Variants in HS6ST3 observed in about 807,000 individuals in gnomAD.
HS6ST3 encodes the protein heparan sulfate 6-O-sulfotransferase 3, also known as heparan-sulfate 6-O-sulfotransferase 3.
Under a neutral mutation model 36.7 loss-of-function variants are expected in HS6ST3, and 12 were observed. The observed-to-expected ratio is 0.33, with a 90% CI of 0.21 to 0.53. HS6ST3 has a LOEUF of 0.53. HS6ST3 is among the 20% of genes least tolerant of loss of function. The pLI, the probability that HS6ST3 is intolerant of heterozygous loss-of-function variation, is 0.95. For missense variants in HS6ST3, 584 were observed against 640.9 expected (o/e 0.91, Z 0.96); for synonymous variants, 240 against 257.5 (o/e 0.93, Z 0.65).
At chr13:96,328,977 T>G (rs2055048808) in intron 1 of HS6ST3, among the ~76,000 whole-genome samples, 1 of 151,622 alleles carries the variant, frequency 6.6e-6, no homozygotes, top group South Asian at 2.1e-4. Context: ...GTAGAGGTGT[T>G]TGTAGTATTC....
intron 1 of HS6ST3, among the ~76,000 whole-genome samples, chr13:96,564,824 A>G (rs946740547): frequency 1.3e-5 from 2 of 152,210 alleles, no homozygotes; most frequent in African/African-American, 4.8e-5. Context: ...AGTAATTTAA[A>G]ACACTCGTAG....
chr13:96,131,823 T>C (rs2139311974), intron 1 of HS6ST3, among the ~76,000 whole-genome samples: 1 of 151,970 alleles, frequency 6.6e-6, no homozygotes, highest in South Asian at 2.1e-4. Context: ...GGAGACCATC[T>C]AATTATTTTT....
intron 1 of HS6ST3, among the ~76,000 whole-genome samples, chr13:96,774,924 G>A (rs944621414): frequency 9.2e-5 from 14 of 152,128 alleles, no homozygotes; most frequent in African/African-American, 3.4e-4. Flanking sequence ...GTTAAGGGCA[G>A]CCAGAGAGAA....
chr13:96,352,512 G>C (rs1417732527), intron 1 of HS6ST3, among the ~76,000 whole-genome samples: 1 of 152,192 alleles, frequency 6.6e-6, no homozygotes, highest in Non-Finnish European at 1.5e-5. Flanking sequence ...ACGGCGCAGT[G>C]GAAGCAGAAG....
At chr13:96,126,970 T>A (rs1594686182) in intron 1 of HS6ST3, among the ~76,000 whole-genome samples, 1 of 152,198 alleles carries the variant, frequency 6.6e-6, no homozygotes, top group South Asian at 2.1e-4. Context: ...CCTATAAAGG[T>A]GATCCCTACT....
intron 1 of HS6ST3, among the ~76,000 whole-genome samples, chr13:96,823,623 T>C (rs1032553772): frequency 6.6e-6 from 1 of 152,134 alleles, no homozygotes; most frequent in Non-Finnish European, 1.5e-5. Flanking sequence ...TTTATTTTCT[T>C]CTTTTTTTTT....
intron 1 of HS6ST3, among the ~76,000 whole-genome samples, chr13:96,755,492 G>A (rs1158718826): frequency 1.3e-5 from 2 of 152,048 alleles, no homozygotes; most frequent in Non-Finnish European, 2.9e-5. Flanking sequence ...AGCTTCCCGA[G>A]CAGCTGAGAT....
At chr13:96,659,201 A>T (rs1316897788) in intron 1 of HS6ST3, among the ~76,000 whole-genome samples, 2 of 152,130 alleles carry the variant, frequency 1.3e-5, no homozygotes, top group African/African-American at 4.8e-5. Flanking sequence ...AGCTTTTTGG[A>T]TTTAGCTATT....
intron 1 of HS6ST3, among the ~76,000 whole-genome samples, chr13:96,790,615 C>G (rs1877764324): frequency 6.6e-6 from 1 of 152,018 alleles, no homozygotes; most frequent in Non-Finnish European, 1.5e-5. Flanking sequence ...GCCAAGTATT[C>G]ACACAAATAT....
intron 1 of HS6ST3, among the ~76,000 whole-genome samples, chr13:96,462,624 G>C (rs2055790424): frequency 6.6e-6 from 1 of 152,128 alleles, no homozygotes; most frequent in Non-Finnish European, 1.5e-5. Flanking sequence ...TTCAGCCAAT[G>C]CAATGTGACA....
chr13:96,122,655 A>T (rs1393678221), intron 1 of HS6ST3, among the ~76,000 whole-genome samples: 2 of 152,202 alleles, frequency 1.3e-5, no homozygotes, highest in African/African-American at 4.8e-5. Flanking sequence ...AGGTTAATGC[A>T]CTTAGGATAG....
intron 1 of HS6ST3, among the ~76,000 whole-genome samples, chr13:96,202,779 C>T (rs1187401569): frequency 1.1e-4 from 16 of 152,158 alleles, no homozygotes; most frequent in Admixed American, 1.0e-3. Flanking sequence ...CTGACTTGCC[C>T]ACTGTGGAAA....
chr13:96,140,226 G>C (rs560244670), intron 1 of HS6ST3, among the ~76,000 whole-genome samples: 1 of 152,246 alleles, frequency 6.6e-6, no homozygotes, highest in East Asian at 1.9e-4. Flanking sequence ...ACATAAAGGT[G>C]CAGTATTAAA....
Position 96,410,821 on chromosome 13 carries a change from G to A in HS6ST3, c.707+319252G>A, listed in dbSNP as rs571909659. On this transcript the variant is annotated intron_variant, in intron 1 of 1. Transcript: ENST00000376705. ...AGACTGGAAGCAAATACATCTAAAT[G>A]CCAGTCATGGTGTCTAACTCTAGTT... Among the ~76,000 whole-genome samples the A allele has an allele frequency of 3.9e-5, 6 of 152,278 alleles. No individual in the cohort carries two copies. In the East Asian group the frequency reaches 1.2e-3, roughly 29 times the overall value.
At chr13:96,205,608 C>T (rs1331696139) in intron 1 of HS6ST3, among the ~76,000 whole-genome samples, 1 of 152,142 alleles carries the variant, frequency 6.6e-6, no homozygotes, top group African/African-American at 2.4e-5. Context: ...TTCAGCAGCA[C>T]ATCAAAAAGC....
At chr13:96,451,295 A>G (rs2055727039) in intron 1 of HS6ST3, among the ~76,000 whole-genome samples, 2 of 152,094 alleles carry the variant, frequency 1.3e-5, no homozygotes, top group Non-Finnish European at 2.9e-5. Context: ...AAAAAAGCCA[A>G]AATATATTTT....
At chr13:96,426,003 C>T (rs2055585030) in intron 1 of HS6ST3, among the ~76,000 whole-genome samples, 1 of 151,524 alleles carries the variant, frequency 6.6e-6, no homozygotes, top group Non-Finnish European at 1.5e-5. Flanking sequence ...CAGTGCCCCC[C>T]GAGAACCCCC....
intron 1 of HS6ST3, among the ~76,000 whole-genome samples, chr13:96,329,465 G>C (rs2055052663): frequency 6.8e-6 from 1 of 147,246 alleles, no homozygotes; most frequent in Non-Finnish European, 1.5e-5. Context: ...GGAGCAGGTT[G>C]TTCAGTTTCC....
In HS6ST3 at chr13:96,132,121, TACACACACACAC is replaced by T. The variant is rs60692669; in HGVS notation, c.707+40592_707+40603del. 8.2e-3 allele frequency among the ~76,000 whole-genome samples: 1,103 copies of T among 134,582 alleles called. 8 individuals are homozygous for T. The highest frequency in any genetic ancestry group is 0.029 in the Middle Eastern group (8 of 276). The allele number at this position is 134,582 out of a possible 152,430, so 88.3% of individuals were successfully genotyped here. A position where few individuals can be genotyped will look rare whatever the true frequency, so the allele number is the denominator to read the frequency against. ...TTTTTCAGACTGAATAGTATTCCAG[TACACACACACAC>T]ACACACACACACACACACACACACA... On this transcript the variant is annotated intron_variant, in intron 1 of 1. Coordinates refer to ENST00000376705, the MANE Select transcript of HS6ST3 (RefSeq NM_153456.4).
Sources: gnomAD v4.1 joint callset for allele counts (sites outside exome capture counted in the v4.1 genomes callset) on GRCh38, gnomAD v4.1.1 for gene constraint, MANE v1.5 for transcripts, NCBI Gene and HGNC (gene_info 2026-07-23, HGNC 2026-07-21) for gene names.